The following BTN3A1 variants were observed in gnomAD, a reference collection of about 807,000 sequenced individuals.
The protein encoded by BTN3A1 is butyrophilin subfamily 3 member A1.
BTN3A1 carries 24 observed loss-of-function variants against 43.0 expected under a neutral mutation model. The observed-to-expected ratio is 0.56, with a 90% CI of 0.40 to 0.78. The LOEUF is 0.78. Ranked by LOEUF, BTN3A1 falls within the 30% of genes least tolerant of loss-of-function variation. The probability of loss-of-function intolerance (pLI) is 0.00; values close to 1 mark genes in which losing one functional copy is unlikely to be tolerated. For synonymous variants in BTN3A1, 181 were observed against 234.7 expected, an observed-to-expected ratio of 0.77 and a Z score of 2.09; for missense variants, 533 against 626.2, an observed-to-expected ratio of 0.85 and a Z score of 1.59.
At chr6:26,409,480 C>A in intron 4 of BTN3A1, 53 bp from the exon 5 acceptor site, 1 of 1,563,934 alleles carries the variant, frequency 6.4e-7, no homozygotes, top group South Asian at 1.1e-5. Context: ...GCGCTGCAGT[C>A]TGGGGAGGCT....
chr6:26,408,100 G>T, intron 4 of BTN3A1, 148 bp downstream of exon 4: 1 of 1,308,588 alleles, frequency 7.6e-7, no homozygotes, highest in Admixed American at 2.8e-5. Flanking sequence ...TGCACCGGGG[G>T]AGCTTCTCTT....
chr6:26,414,679 G>A lies in BTN3A1; in HGVS notation c.*987G>A, dbSNP rs977160230. 1 of 147,294 alleles carries A rather than the reference G, an allele frequency of 6.8e-6. No homozygotes were observed. Among genetic ancestry groups the A allele is most frequent in the Non-Finnish European group, 1.5e-5 (1 of 67,958 alleles). The allele number at this position is 147,294 out of a possible 1,614,324, so 9.1% of individuals were successfully genotyped here. A position where few individuals can be genotyped will look rare whatever the true frequency, so the allele number is the denominator to read the frequency against. ...GAAATTTGGATGAAGGGAGCTAGAA[G>A]AAATACAGGGATTTTTTTTTTTTTT... On this transcript the variant is annotated 3_prime_UTR_variant, in exon 10 of 10. Coordinates refer to ENST00000289361, the MANE Select transcript of BTN3A1 (RefSeq NM_007048.6).
At chr6:26,410,770 T>A (rs1762183500) in intron 7 of BTN3A1, among the ~76,000 whole-genome samples, 1 of 149,704 alleles carries the variant, frequency 6.7e-6, no homozygotes, top group African/African-American at 2.4e-5. Context: ...TATATGTGCA[T>A]ATATATGTAT....
rs750210665 is a variant in BTN3A1 at position 26,409,998 on chromosome 6, C to T, written c.938-8C>T. 46 of 1,614,026 alleles carry T rather than the reference C, an allele frequency of 2.9e-5. No homozygotes were observed. Among genetic ancestry groups the T allele is most frequent in the South Asian group, 5.5e-5 (5 of 91,080 alleles). On this transcript the variant is annotated splice_polypyrimidine_tract_variant and splice_region_variant and intron_variant, in intron 6 of 9. Coordinates refer to ENST00000289361, the MANE Select transcript of BTN3A1 (RefSeq NM_007048.6). ...TTGATGCATCTTCCCCTGTTCCTTC[C>T]GTTGCAGGATGGAGAAGTATCCAGT...
chr6:26,403,649 C>A (rs1184860715), intron 1 of BTN3A1, among the ~76,000 whole-genome samples: 1 of 151,814 alleles, frequency 6.6e-6, no homozygotes, highest in East Asian at 1.9e-4. Flanking sequence ...TACCTTTTCA[C>A]TACCAAAGTA....
chr6:26,409,630 GCAA>G lies in BTN3A1; in HGVS notation c.816_818del (p.Gln274del). On this transcript the variant is annotated inframe_deletion, in exon 5 of 10. Transcript: ENST00000289361. Reference sequence around the variant, plus strand: ...TTGGGGGAGCCGGTTACTTCCTGTGGCAACAGCAGGAGGAAAAAAAGACTCAGT... The same window carrying G: ...TTGGGGGAGCCGGTTACTTCCTGTGGCAGCAGGAGGAAAAAAAGACTCAGT... 6.2e-7 allele frequency: 1 copy of G among 1,607,604 alleles called. No homozygotes were observed. Among genetic ancestry groups the G allele is most frequent in the Non-Finnish European group, 8.5e-7 (1 of 1,178,316 alleles).
At chr6:26,409,813 AGCTCAGTT>A in intron 5 of BTN3A1, 73 bp from the exon 6 acceptor site, 1 of 1,611,478 alleles carries the variant, frequency 6.2e-7, no homozygotes, top group African/African-American at 1.3e-5. Context: ...CCCACCGCAG[AGCTCAGTT>A]GCTTTTAAGG....
chr6:26,411,052 G>T, intron 7 of BTN3A1, 57 bp from the exon 8 acceptor site: 1 of 1,448,884 alleles, frequency 6.9e-7, no homozygotes, highest in Admixed American at 2.0e-5. Flanking sequence ...TTAAGGGAAT[G>T]GGGCCAAATC....
At chr6:26,405,183 G>A (rs923178438) in intron 1 of BTN3A1, among the ~76,000 whole-genome samples, 189 bp from the exon 2 acceptor site, 2 of 152,190 alleles carry the variant, frequency 1.3e-5, no homozygotes, top group South Asian at 2.1e-4. Flanking sequence ...CACCCACAGC[G>A]GTCGACCCCG....
In BTN3A1 at chr6:26,407,662, C is replaced by G; in HGVS notation, c.434-9C>G. ...TCTCAAGAATTTAGGCTAATTCATCCTTCCACAGCACTGGGTTCTGATCTT... is the reference window on the plus strand; with the variant it reads ...TCTCAAGAATTTAGGCTAATTCATCGTTCCACAGCACTGGGTTCTGATCTT... On this transcript the variant is annotated splice_polypyrimidine_tract_variant and intron_variant, in intron 3 of 9. Transcript: ENST00000289361. 6.2e-7 allele frequency: 1 copy of G among 1,612,460 alleles called. No individual in the cohort carries two copies. Among genetic ancestry groups the G allele is most frequent in the Non-Finnish European group, 8.5e-7 (1 of 1,178,638 alleles).
At chr6:26,403,692 T>G (rs988709634) in intron 1 of BTN3A1, among the ~76,000 whole-genome samples, 4 of 152,178 alleles carry the variant, frequency 2.6e-5, no homozygotes, top group Admixed American at 1.3e-4. Flanking sequence ...TTATTTTATT[T>G]ATTGATTGAT....
At chr6:26,406,976 G>A (rs1361233557) in intron 3 of BTN3A1, among the ~76,000 whole-genome samples, 4 of 152,208 alleles carry the variant, frequency 2.6e-5, no homozygotes, top group Non-Finnish European at 1.5e-5. Context: ...AATTGATGAA[G>A]GGACAGCAAT....
At chr6:26,408,282 A>G (rs1762090959) in intron 4 of BTN3A1, among the ~76,000 whole-genome samples, 1 of 152,228 alleles carries the variant, frequency 6.6e-6, no homozygotes, top group Non-Finnish European at 1.5e-5. Flanking sequence ...GAAAGAGCCA[A>G]TCTCCTTGAG....
rs373660072 is a variant in BTN3A1 at position 26,411,091 on chromosome 6, A to C, written c.965-18A>C. The C allele has an allele frequency of 6.2e-7, 1 of 1,602,954 alleles. No individual in the cohort carries two copies. On this transcript the variant is annotated intron_variant, in intron 7 of 9. Coordinates refer to ENST00000289361, the MANE Select transcript of BTN3A1 (RefSeq NM_007048.6). The stretch of plus-strand genomic sequence containing the variant: ...AATGGCAAGTTCAGGTGACATCTCT[A>C]TCTTTTTTTCATTGTAGGGGGAGAG...
chr6:26,408,616 C>T (rs931622228), intron 4 of BTN3A1, among the ~76,000 whole-genome samples: 2 of 152,190 alleles, frequency 1.3e-5, no homozygotes, highest in South Asian at 4.1e-4. Context: ...ATCCAAAATT[C>T]CGCTTCTGGG....
intron 7 of BTN3A1, 55 bp downstream of exon 7, chr6:26,410,087 A>ATAG: frequency 6.2e-7 from 1 of 1,605,382 alleles, no homozygotes; most frequent in Non-Finnish European, 8.5e-7. Flanking sequence ...CTGTGCTTGA[A>ATAG]TAGTTTCCAC....
intron 7 of BTN3A1, 84 bp from the exon 8 acceptor site, chr6:26,411,025 A>AAAAAAAAAAAAAAT: frequency 2.5e-6 from 2 of 796,988 alleles, no homozygotes; most frequent in Non-Finnish European, 3.9e-6. Context: ...AAAAAAAAAG[A>AAAAAAAAAAAAAAT]TTAGATGGAT....
chr6:26,404,582 T>C (rs1761950899), intron 1 of BTN3A1: 1 of 152,216 alleles, frequency 6.6e-6, no homozygotes, highest in Admixed American at 6.5e-5. Context: ...CTGCATTGAA[T>C]TCCCTCCGAG....
Position 26,413,382 on chromosome 6 carries a change from T to G in BTN3A1, c.1232T>G (p.Val411Gly). 1 of 1,612,962 alleles carries G rather than the reference T, an allele frequency of 6.2e-7. No homozygotes were observed. The highest frequency in any genetic ancestry group is 1.1e-5 in the South Asian group (1 of 91,030). Reference sequence around the variant, plus strand: ...GACAGGAAAGAGTGGCATATAGGGGTGTGCAGTAAGAATGTGCAGAGAAAA... The same window carrying G: ...GACAGGAAAGAGTGGCATATAGGGGGGTGCAGTAAGAATGTGCAGAGAAAA... ...VGDRKEWHIG[V>G]CSKNVQRKGW... Residue 411 changes from valine (V) to glycine (G), a missense_variant, in exon 10 of 10, where the codon GTG becomes GGG. By Grantham distance (109) the Val-to-Gly change is moderately radical. Transcript: ENST00000289361.
Sources: gnomAD v4.1 joint callset for allele counts (sites outside exome capture counted in the v4.1 genomes callset) on GRCh38, gnomAD v4.1.1 for gene constraint, MANE v1.5 for transcripts, NCBI Gene and HGNC (gene_info 2026-07-23, HGNC 2026-07-21) for gene names.